Variants in TJP3 observed in about 807,000 individuals in gnomAD.
TJP3 encodes tight junction protein ZO-3.
TJP3 carries 85 observed loss-of-function variants against 104.2 expected under a neutral mutation model. The observed-to-expected ratio is 0.82, with a 90% CI of 0.68 to 0.98. The LOEUF is 0.98. Ranked by LOEUF, TJP3 falls within the 50% of genes least tolerant of loss-of-function variation. The probability of loss-of-function intolerance (pLI) is 0.00; values close to 1 mark genes in which losing one functional copy is unlikely to be tolerated. For missense variants in TJP3, 1,367 were observed against 1,322.8 expected (o/e 1.03, Z -0.52); for synonymous variants, 550 against 550.6 (o/e 1.00, Z 0.02).
intron 1 of TJP3, among the ~76,000 whole-genome samples, chr19:3,725,770 T>G (rs1357221604): frequency 6.6e-6 from 1 of 152,074 alleles, no homozygotes; most frequent in Non-Finnish European, 1.5e-5. Context: ...TTCTGCTTTT[T>G]GCTTTTCAGG....
At chr19:3,724,270 A>G (rs1386997630) in intron 1 of TJP3, among the ~76,000 whole-genome samples, 1 of 151,012 alleles carries the variant, frequency 6.6e-6, no homozygotes, top group Non-Finnish European at 1.5e-5. Flanking sequence ...ATCTTGGCTC[A>G]CTGCAAGCTC....
intron 1 of TJP3, 86 bp from the exon 2 acceptor site, chr19:3,728,338 G>T (rs748621478): frequency 3.1e-6 from 5 of 1,607,672 alleles, no homozygotes; most frequent in Non-Finnish European, 4.3e-6. Context: ...GTCAGAGCTG[G>T]ACTCCCCACC....
At position 3,738,554 on chromosome 19, in the gene TJP3, G is replaced by A. The variant is rs758040287; in HGVS notation, c.1285-1G>A. The A allele has an allele frequency of 3.1e-6, 5 of 1,612,494 alleles. No homozygotes were observed. In the East Asian group the frequency reaches 1.1e-4, roughly 36 times the overall value. ...CTATAGCTGCACTTGCTTTCTGGCA[G>A]GTGAATGACGTGCCATTCCAGAACC... On this transcript the variant is annotated splice_acceptor_variant, in intron 11 of 20. Transcript: ENST00000541714. LOFTEE classifies it high-confidence loss of function.
Position 3,730,257 on chromosome 19 carries a change from A to G in TJP3, c.262-98A>G, listed in dbSNP as rs913262266. 16 of 1,478,096 alleles carry G rather than the reference A, an allele frequency of 1.1e-5. No homozygotes were observed. Among genetic ancestry groups the G allele is most frequent in the Non-Finnish European group, 1.4e-5 (15 of 1,081,858 alleles). 91.6% of individuals were successfully genotyped at this position (1,478,096 alleles called of 1,614,324 possible). On this transcript the variant is annotated intron_variant, in intron 4 of 20. Transcript: ENST00000541714. This position sits in a 1 kb window ranked among gnomAD's most constrained non-coding sequence, Gnocchi z 7.3. ...TCTTACAGTTTGGACATTGAGGCCC[A>G]GAGAGAGACTGGTGTCCCCCAGGGC...
intron 14 of TJP3, among the ~76,000 whole-genome samples, chr19:3,742,181 C>T (rs1272837585): frequency 6.6e-6 from 1 of 152,062 alleles, no homozygotes; most frequent in Non-Finnish European, 1.5e-5. Flanking sequence ...CGCTTGTAAT[C>T]CCAGCACTTT....
chr19:3,738,639 C>T lies in TJP3; in HGVS notation c.1369C>T (p.Leu457=), dbSNP rs149838562. ...LGLPPGEEME[L]VTQRKQDIFW... Reference sequence around the variant, plus strand: ...GCTGCCACCAGGCGAGGAGATGGAGCTGGTGACGCAGAGGAAGCAGGACAG... The same window carrying T: ...GCTGCCACCAGGCGAGGAGATGGAGTTGGTGACGCAGAGGAAGCAGGACAG... Residue 457 remains leucine, a synonymous_variant, in exon 12 of 21, where the codon CTG becomes TTG. Transcript: ENST00000541714. 6.2e-7 allele frequency: 1 copy of T among 1,613,810 alleles called. No individual in the cohort carries two copies. Among genetic ancestry groups the T allele is most frequent in the Admixed American group, 1.7e-5 (1 of 60,018 alleles).
rs1458102298 is a variant in TJP3 at position 3,722,866 on chromosome 19, G to GGGGGGGGC, written c.-9-5556_-9-5555insGGGGGCGG. On this transcript the variant is annotated intron_variant, in intron 1 of 20. Coordinates refer to ENST00000541714, the MANE Select transcript of TJP3 (RefSeq NM_001267560.2). The stretch of plus-strand genomic sequence containing the variant: ...CTGGAGATGGGGTGGCGGGGGGGGG[G>GGGGGGGGC]GGCACAGGGGACGGCGGCCCGGGAG... 1.6e-4 allele frequency among the ~76,000 whole-genome samples: 16 copies of GGGGGGGGC among 101,188 alleles called. No individual in the cohort carries two copies. In the South Asian group the frequency reaches 1.7e-3, roughly 11 times the overall value. 66.4% of individuals were successfully genotyped at this position (101,188 alleles called of 152,430 possible).
rs754906516 is a variant in TJP3, at chr19:3,747,908, G to A, written c.2437G>A (p.Gly813Ser). 2.5e-6 allele frequency: 4 copies of A among 1,613,250 alleles called. No homozygotes were observed. The South Asian group carries it at 4.4e-5, about 18-fold the overall frequency. ...CAGCGACTACGAGACGGACGGCGAG[G>A]GCGGCGCGTACACGGATGGCGAGGG... ...VNSDYETDGEGGAYTDGEGYT... is the reference protein window; with the variant it reads ...VNSDYETDGESGAYTDGEGYT... The change falls in exon 19 of 21, where the codon GGC (glycine) becomes AGC (serine). Residue 813 changes from glycine to serine, a missense_variant. Gly to Ser is a moderately conservative substitution (Grantham distance 56). Transcript: ENST00000541714.
At chr19:3,712,590 C>T (rs922615835) in intron 1 of TJP3, among the ~76,000 whole-genome samples, 1 of 152,168 alleles carries the variant, frequency 6.6e-6, no homozygotes, top group African/African-American at 2.4e-5. Context: ...TTCACATGGG[C>T]TCTGCTTTTC....
At chr19:3,740,788 C>T in intron 14 of TJP3, 25 bp downstream of exon 14, 4 of 1,517,924 alleles carry the variant, frequency 2.6e-6, no homozygotes, top group Non-Finnish European at 3.5e-6. Flanking sequence ...TGGAGGGGCC[C>T]TGGGGAGGCC....
rs1291698118 is a variant in TJP3, at chr19:3,750,162, C to G, written c.2635C>G (p.Gln879Glu). The change falls in exon 20 of 21, where the codon CAG becomes GAG. Residue 879 changes from glutamine (Q) to glutamate (E), a missense_variant. Gln to Glu is a conservative substitution (Grantham distance 29, BLOSUM62 2). Coordinates refer to ENST00000541714, the MANE Select transcript of TJP3 (RefSeq NM_001267560.2). ...AQVDSRHPQG[Q>E]WRQDSMRTYE... Reference sequence around the variant, plus strand: ...GGTGGACAGCCGCCACCCCCAGGGACAGTGGCGACAGGACAGCATGCGGTA... The same window carrying G: ...GGTGGACAGCCGCCACCCCCAGGGAGAGTGGCGACAGGACAGCATGCGGTA... 1.9e-6 allele frequency: 3 copies of G among 1,613,846 alleles called. No individual in the cohort carries two copies. The highest frequency in any genetic ancestry group is 2.7e-5 in the African/African-American group (2 of 74,880).
At chr19:3,714,321 A>G (rs1266103522) in intron 1 of TJP3, among the ~76,000 whole-genome samples, 2 of 151,880 alleles carry the variant, frequency 1.3e-5, no homozygotes, top group Admixed American at 6.6e-5. Flanking sequence ...CTGGGATTAC[A>G]GGCACGTGCC....
chr19:3,747,954 G>C lies in TJP3; in HGVS notation c.2483G>C (p.Gly828Ala). The C allele has an allele frequency of 1.2e-6, 2 of 1,612,984 alleles. No individual in the cohort carries two copies. The highest frequency in any genetic ancestry group is 1.7e-6 in the Non-Finnish European group (2 of 1,179,840). ...GAGGGCTACACAGACGGCGAGGGGGGGCCCTACACGGATGTGGATGATGAG... is the reference window on the plus strand; with the variant it reads ...GAGGGCTACACAGACGGCGAGGGGGCGCCCTACACGGATGTGGATGATGAG... ...DGEGYTDGEG[G>A]PYTDVDDEPP... is the part of the protein sequence containing the mutation. Residue 828 changes from glycine to alanine, a missense_variant, in exon 19 of 21, where the codon GGG (glycine) becomes GCG (alanine). Coordinates refer to ENST00000541714, the MANE Select transcript of TJP3 (RefSeq NM_001267560.2).
In TJP3 at chr19:3,730,803, C is replaced by T; in HGVS notation, c.613+97C>T. Reference sequence around the variant, plus strand: ...TCAAGTGATTCTCCTGCCTCAGCCTCCCTGGTGGCTGGGACTCCAGGCGCC... The same window carrying T: ...TCAAGTGATTCTCCTGCCTCAGCCTTCCTGGTGGCTGGGACTCCAGGCGCC... On this transcript the variant is annotated intron_variant, in intron 5 of 20. Coordinates refer to ENST00000541714, the MANE Select transcript of TJP3 (RefSeq NM_001267560.2). This position sits in a 1 kb window ranked among gnomAD's most constrained non-coding sequence, Gnocchi z 7.3. 1 of 1,349,328 alleles carries T rather than the reference C, an allele frequency of 7.4e-7. No homozygotes were observed. Among genetic ancestry groups the T allele is most frequent in the African/African-American group, 1.5e-5 (1 of 66,676 alleles). The allele number at this position is 1,349,328 out of a possible 1,614,324, so 83.6% of individuals were successfully genotyped here. A position where few individuals can be genotyped will look rare whatever the true frequency, so the allele number is the denominator to read the frequency against.
Position 3,740,781 on chromosome 19 carries a change from A to C in TJP3, c.1843+18A>C, listed in dbSNP as rs984759133. 33 of 1,538,404 alleles carry C rather than the reference A, an allele frequency of 2.1e-5. No homozygotes were observed. Among genetic ancestry groups the C allele is most frequent in the Non-Finnish European group, 2.5e-5 (29 of 1,143,248 alleles). On this transcript the variant is annotated intron_variant, in intron 14 of 20. Transcript: ENST00000541714. Reference sequence around the variant, plus strand: ...GCGAGAAGGTGGGGCCCGGAGCTGGAGGGGCCCTGGGGAGGCCTCACACAC... The same window carrying C: ...GCGAGAAGGTGGGGCCCGGAGCTGGCGGGGCCCTGGGGAGGCCTCACACAC...
chr19:3,727,261 T>A (rs1029513256), intron 1 of TJP3, among the ~76,000 whole-genome samples: 1 of 151,748 alleles, frequency 6.6e-6, no homozygotes, highest in Non-Finnish European at 1.5e-5. Context: ...AGGGGGTGGA[T>A]CACAAGATCA....
chr19:3,736,328 C>CGG lies in TJP3; in HGVS notation c.1284+11_1284+12dup, dbSNP rs1379529010. On this transcript the variant is annotated splice_region_variant and intron_variant, in intron 11 of 20. Transcript: ENST00000541714. ...GGGAGATCAGATTCTGCAGGTGCTCCGGGGGCGGCTGGCCAGCCCCACTGA... is the reference window on the plus strand; with the variant it reads ...GGGAGATCAGATTCTGCAGGTGCTCCGGGGGGGCGGCTGGCCAGCCCCACTGA... 6.6e-7 allele frequency: 1 copy of CGG among 1,521,174 alleles called. No homozygotes were observed. Among genetic ancestry groups the CGG allele is most frequent in the African/African-American group, 1.4e-5 (1 of 72,080 alleles). The allele number at this position is 1,521,174 out of a possible 1,614,324, so 94.2% of individuals were successfully genotyped here.
intron 1 of TJP3, among the ~76,000 whole-genome samples, chr19:3,727,226 G>A (rs987727666): frequency 1.3e-4 from 20 of 152,132 alleles, no homozygotes; most frequent in African/African-American, 4.3e-4. Flanking sequence ...GCTCATGCCT[G>A]TAATCCCAGC....
intron 14 of TJP3, among the ~76,000 whole-genome samples, chr19:3,741,102 G>A (rs1429099786): frequency 6.6e-6 from 1 of 152,002 alleles, no homozygotes; most frequent in Non-Finnish European, 1.5e-5. Flanking sequence ...CCTGATTCAA[G>A]CGATTCTCTT....
Sources: allele counts gnomAD v4.1 joint callset (sites outside exome capture counted in the v4.1 genomes callset), GRCh38; gene constraint gnomAD v4.1.1; non-coding constraint Gnocchi (gnomAD v3.1); transcripts MANE v1.5; gene names NCBI Gene and HGNC (gene_info 2026-07-23, HGNC 2026-07-21).